KIR3DL1: variants seen among roughly 807,000 people sequenced by gnomAD.
The protein encoded by KIR3DL1 is killer cell immunoglobulin-like receptor 3DL1.
KIR3DL1 carries 50 observed loss-of-function variants against 40.3 expected under a neutral mutation model. The ratio of observed to expected loss-of-function variants is 1.24; its 90% CI spans 0.99 to 1.57. The LOEUF is 1.57. KIR3DL1 is among the 40% of genes most tolerant of loss of function. The pLI is 0.00. For synonymous variants in KIR3DL1, 257 were observed against 207.2 expected (o/e 1.24, Z -2.07); for missense variants, 661 against 559.9 (o/e 1.18, Z -1.82).
chr19:54,820,512 A>G (rs1315699204), intron 4 of KIR3DL1, among the ~76,000 whole-genome samples: 1 of 151,446 alleles, frequency 6.6e-6, no homozygotes, highest in Non-Finnish European at 1.5e-5. Context: ...CCAGGATATC[A>G]TGGCCCCTGA....
In KIR3DL1 at chr19:54,829,301, A is replaced by G. The variant is rs376082707; in HGVS notation, c.1001-60A>G. 4.9e-5 allele frequency: 64 copies of G among 1,305,836 alleles called. 11 individuals are homozygous for G. The East Asian group carries it at 6.7e-4, about 14-fold the overall frequency. The allele number at this position is 1,305,836 out of a possible 1,614,324, so 80.9% of individuals were successfully genotyped here. ...TTACCTGTCAATCAAGAAATGCAAG[A>G]CAATTCATATAGAGAAACTGCTATG... is the stretch of plus-strand genomic sequence containing the variant. On this transcript the variant is annotated intron_variant, in intron 6 of 8. Transcript: ENST00000391728.
chr19:54,820,902 T>C (rs2061598927), intron 4 of KIR3DL1, among the ~76,000 whole-genome samples: 1 of 150,066 alleles, frequency 6.7e-6, no homozygotes, highest in African/African-American at 2.5e-5. Context: ...GAGAGAGAGA[T>C]GATAGATGGA....
Position 54,818,427 on chromosome 19 carries a change from C to CA in KIR3DL1, c.186dup (p.Glu63ArgfsTer89). On this transcript the variant is annotated frameshift_variant, in exon 3 of 9. Transcript: ENST00000391728. LOFTEE classifies it high-confidence loss of function. ...ATAGGTTTAACAATTTCATGCTATA[C>CA]AAAGAAGACAGAATCCACATTCCCA... 6.2e-7 allele frequency: 1 copy of CA among 1,607,642 alleles called. No homozygotes were observed.
At chr19:54,823,067 T>C (rs1438947703) in intron 5 of KIR3DL1, among the ~76,000 whole-genome samples, 1 of 150,112 alleles carries the variant, frequency 6.7e-6, no homozygotes, top group African/African-American at 2.5e-5. Context: ...AGAGTTTCCC[T>C]CCTTAGTCCA....
intron 2 of KIR3DL1, 28 bp downstream of exon 2, chr19:54,817,597 T>A: frequency 6.7e-7 from 1 of 1,487,880 alleles, no homozygotes; most frequent in East Asian, 2.5e-5. Flanking sequence ...CCTTAGGGTG[T>A]CATCTCCCCA....
At chr19:54,821,916 C>A in intron 5 of KIR3DL1, 58 bp downstream of exon 5, 1 of 1,540,394 alleles carries the variant, frequency 6.5e-7, no homozygotes, top group Non-Finnish European at 8.9e-7. Context: ...AGCTAAGGAG[C>A]TTCCTGCTGA....
rs1373816610 is a variant in KIR3DL1 at position 54,817,210 on chromosome 19, T to G, written c.35-324T>G. Reference sequence around the variant, plus strand: ...TGGAGTGGATATATGAGCCTGGAGTTGAGATAGGAGCCTGGAGTGGAGATA... The same window carrying G: ...TGGAGTGGATATATGAGCCTGGAGTGGAGATAGGAGCCTGGAGTGGAGATA... On this transcript the variant is annotated intron_variant, in intron 1 of 8. Coordinates refer to ENST00000391728, the Ensembl canonical transcript of KIR3DL1. 2.7e-3 allele frequency among the ~76,000 whole-genome samples: 207 copies of G among 76,710 alleles called. 1 individual carries two copies. The highest frequency in any genetic ancestry group is 3.9e-3 in the East Asian group (10 of 2,574). 50.3% of individuals were successfully genotyped at this position (76,710 alleles called of 152,430 possible). A position where few individuals can be genotyped will look rare whatever the true frequency, so the allele number is the denominator to read the frequency against.
At chr19:54,821,507 T>G (rs1308168512) in intron 4 of KIR3DL1, 58 bp from the exon 5 acceptor site, 8 of 1,545,850 alleles carry the variant, frequency 5.2e-6, no homozygotes, top group Admixed American at 1.8e-5. Flanking sequence ...AGCTCAGGTA[T>G]GAGGGGAGCT....
intron 5 of KIR3DL1, among the ~76,000 whole-genome samples, chr19:54,822,900 G>A (rs1278505159): frequency 1.4e-5 from 2 of 145,448 alleles, no homozygotes; most frequent in African/African-American, 2.6e-5. Flanking sequence ...CAGGTAGGTT[G>A]ACTCCACATC....
At chr19:54,818,577 C>A (rs753375936) in exon 3 of KIR3DL1, 1 of 1,610,886 alleles carries the variant, frequency 6.2e-7, no homozygotes, top group Non-Finnish European at 8.5e-7. Context: ...CACCCAGCAA[C>A]CCCGTGGTGA....
At chr19:54,824,372 C>T (rs565707242) in intron 5 of KIR3DL1, among the ~76,000 whole-genome samples, 33 of 151,594 alleles carry the variant, frequency 2.2e-4, no homozygotes, top group Non-Finnish European at 3.4e-4. Flanking sequence ...GTTCTCGGCA[C>T]CTTTGTCAAA....
intron 5 of KIR3DL1, among the ~76,000 whole-genome samples, chr19:54,823,288 C>T (rs771246878): frequency 8.5e-4 from 128 of 151,116 alleles, no homozygotes; most frequent in South Asian, 1.7e-3. Context: ...GTGCCTGCCT[C>T]GGTTTCCCAA....
intron 3 of KIR3DL1, among the ~76,000 whole-genome samples, chr19:54,818,914 TCA>T (rs1395900630): frequency 6.7e-6 from 1 of 150,176 alleles, no homozygotes; most frequent in Non-Finnish European, 1.5e-5. Flanking sequence ...CTCAGTGTAA[TCA>T]CAAGGGTCCA....
chr19:54,816,671 GT>G, intron 1 of KIR3DL1, 137 bp downstream of exon 1: 1 of 1,383,256 alleles, frequency 7.2e-7, no homozygotes, highest in Non-Finnish European at 9.9e-7. Flanking sequence ...TGGGCCTGGA[GT>G]GGAGATCTGG....
chr19:54,825,711 A>G (rs1260380506), intron 6 of KIR3DL1, among the ~76,000 whole-genome samples: 2 of 149,612 alleles, frequency 1.3e-5, no homozygotes, highest in African/African-American at 5.0e-5. Flanking sequence ...TAGGAAGTGC[A>G]TCTTACTGGG....
rs1262714773 is a variant in KIR3DL1 at position 54,817,395 on chromosome 19, T to C, written c.35-139T>C. The C allele has an allele frequency of 2.1e-5, 16 of 752,766 alleles. 2 individuals carry two copies. In the African/African-American group the frequency reaches 2.5e-4, roughly 12 times the overall value. 46.6% of individuals were successfully genotyped at this position (752,766 alleles called of 1,614,324 possible). ...TCTGCACAGCCGAGATCCTTGTTCC[T>C]GGGGGCAGGTAGGCAGCGAGGGTGA... is the stretch of plus-strand genomic sequence containing the variant. On this transcript the variant is annotated intron_variant, in intron 1 of 8. Transcript: ENST00000391728.
exon 9 of KIR3DL1, chr19:54,830,143 G>C: frequency 6.6e-7 from 1 of 1,524,190 alleles, no homozygotes; most frequent in Non-Finnish European, 8.9e-7. Context: ...ACGCACAGTT[G>C]GATCACTGCG....
intron 4 of KIR3DL1, among the ~76,000 whole-genome samples, chr19:54,820,729 G>T (rs1483196639): frequency 6.6e-6 from 1 of 151,004 alleles, no homozygotes; most frequent in Admixed American, 6.6e-5. Flanking sequence ...AAGAAAAGAG[G>T]GCAGAATGGA....
intron 2 of KIR3DL1, among the ~76,000 whole-genome samples, chr19:54,817,896 G>A (rs76245634): frequency 2.1e-5 from 3 of 145,712 alleles, no homozygotes; most frequent in South Asian, 2.2e-4. Context: ...CAGCGTTTCC[G>A]TGATGGTAGG....
Sources: allele counts gnomAD v4.1 joint callset (sites outside exome capture counted in the v4.1 genomes callset), GRCh38; gene constraint gnomAD v4.1.1; transcripts MANE v1.5; gene names NCBI Gene and HGNC (gene_info 2026-07-23, HGNC 2026-07-21).